RBMS3: variants seen among roughly 807,000 people sequenced by gnomAD.
RBMS3 encodes the protein RNA binding motif single stranded interacting protein 3.
RBMS3 carries 27 observed loss-of-function variants against 66.8 expected under a neutral mutation model. That is an observed-to-expected ratio of 0.40 (90% CI 0.30 to 0.56). The LOEUF is 0.56. Among genes scored for constraint, RBMS3 ranks in the 20% least tolerant of loss-of-function variants. RBMS3 has a pLI of 0.40. For synonymous variants in RBMS3, 188 were observed against 183.0 expected, an observed-to-expected ratio of 1.03 and a Z score of -0.22; for missense variants, 513 against 549.5, an observed-to-expected ratio of 0.93 and a Z score of 0.66.
chr3:29,972,610 G>T (rs80146725), intron 12 of RBMS3, among the ~76,000 whole-genome samples: 2,923 of 152,100 alleles, frequency 0.019, 85 homozygotes, highest in African/African-American at 0.065. Context: ...CCTTTTAGAG[G>T]CTGAGCTCTG....
chr3:29,485,877 G>T (rs1366038363), intron 2 of RBMS3, among the ~76,000 whole-genome samples: 1 of 152,048 alleles, frequency 6.6e-6, no homozygotes, highest in Non-Finnish European at 1.5e-5. Flanking sequence ...GTTGAAGAAA[G>T]AACTTTATGA....
chr3:29,370,888 A>AT (rs754952000), intron 1 of RBMS3, among the ~76,000 whole-genome samples: 12 of 152,306 alleles, frequency 7.9e-5, no homozygotes, highest in Admixed American at 6.5e-4. Context: ...GTCTCCCTAC[A>AT]TGGCAGAGGC....
rs775979152 is a variant in RBMS3, at chr3:29,323,379, G to A, written c.75+41623G>A. 1.6e-4 allele frequency among the ~76,000 whole-genome samples: 25 copies of A among 152,130 alleles called. No individual in the cohort carries two copies. The South Asian group carries it at 1.9e-3, about 11-fold the overall frequency. ...ACCACCATAGTAAAGAAACAAAGCC[G>A]TAAACTAGGTCGTATTATTACTGTT... On this transcript the variant is annotated intron_variant, in intron 1 of 14. Transcript: ENST00000383767.
At chr3:29,832,901 C>G (rs2058411293) in intron 6 of RBMS3, among the ~76,000 whole-genome samples, 1 of 152,158 alleles carries the variant, frequency 6.6e-6, no homozygotes, top group African/African-American at 2.4e-5. Context: ...TAATATACCA[C>G]TATGGACAGC....
chr3:29,399,574 T>G (rs2039712016), intron 1 of RBMS3, among the ~76,000 whole-genome samples: 1 of 152,200 alleles, frequency 6.6e-6, no homozygotes, highest in Non-Finnish European at 1.5e-5. Context: ...TCAAAATAGC[T>G]GCCGAACTTC....
chr3:29,948,432 C>G, intron 12 of RBMS3, among the ~76,000 whole-genome samples: 1 of 151,730 alleles, frequency 6.6e-6, no homozygotes, highest in East Asian at 1.9e-4. Context: ...GTGAAACTAT[C>G]CTCTATCATC....
chr3:29,366,816 T>A (rs1243736752), intron 1 of RBMS3, among the ~76,000 whole-genome samples: 1 of 152,192 alleles, frequency 6.6e-6, no homozygotes, highest in Non-Finnish European at 1.5e-5. Context: ...CCTCTTTCTA[T>A]AGCGGGGCTG....
rs969781976 is a variant in RBMS3, at chr3:29,968,206, C to G, written c.1099-19937C>G. Among the ~76,000 whole-genome samples, 4 of 152,166 alleles carry G rather than the reference C, an allele frequency of 2.6e-5. No homozygotes were observed. The East Asian group carries it at 5.8e-4, about 22-fold the overall frequency. On this transcript the variant is annotated intron_variant, in intron 12 of 14. Coordinates refer to ENST00000383767, the MANE Select transcript of RBMS3 (RefSeq NM_001003793.3). ...CACGGCTGCCCACCCGGCCTGCCCC[C>G]GTAACAGTCTGTTTCCAGGTGGAGG...
At chr3:29,482,685 T>TTCTC (rs2043167602) in intron 2 of RBMS3, among the ~76,000 whole-genome samples, 4 of 130,652 alleles carry the variant, frequency 3.1e-5, no homozygotes, top group African/African-American at 1.2e-4. Flanking sequence ...CAGTCTACCA[T>TTCTC]TTTCTTTCTT....
chr3:29,891,054 C>T (rs1311153158), intron 8 of RBMS3, among the ~76,000 whole-genome samples: 1 of 151,582 alleles, frequency 6.6e-6, no homozygotes, highest in African/African-American at 2.4e-5. Context: ...AATCCTGTAA[C>T]AGTAAACTAA....
intron 4 of RBMS3, among the ~76,000 whole-genome samples, chr3:29,710,714 C>A (rs1283257804): frequency 1.3e-5 from 2 of 152,186 alleles, no homozygotes; most frequent in Non-Finnish European, 2.9e-5. Flanking sequence ...TCAGGCCATG[C>A]ATTACACCAC....
chr3:29,668,543 A>G (rs760833751), intron 4 of RBMS3, among the ~76,000 whole-genome samples: 4 of 152,166 alleles, frequency 2.6e-5, no homozygotes, highest in African/African-American at 7.2e-5. Context: ...CTTTTTTCCT[A>G]TCTTTCAGTA....
chr3:29,457,282 C>T (rs879898466), intron 2 of RBMS3, among the ~76,000 whole-genome samples: 1 of 152,178 alleles, frequency 6.6e-6, no homozygotes, highest in Admixed American at 6.5e-5. Context: ...CCACCTAGGT[C>T]TCTGCAGTCT....
At chr3:29,884,874 T>C (rs1447744789) in intron 8 of RBMS3, among the ~76,000 whole-genome samples, 1 of 151,944 alleles carries the variant, frequency 6.6e-6, no homozygotes, top group African/African-American at 2.4e-5. Flanking sequence ...AATTATTCTT[T>C]GGTTGGTTGC....
At chr3:29,738,377 C>A (rs2054472921) in intron 4 of RBMS3, among the ~76,000 whole-genome samples, 2 of 152,054 alleles carry the variant, frequency 1.3e-5, no homozygotes, top group Admixed American at 1.3e-4. Context: ...AATTAAATAT[C>A]TGGTACATTT....
At chr3:29,549,830 T>A (rs771725218) in intron 3 of RBMS3, among the ~76,000 whole-genome samples, 1 of 152,096 alleles carries the variant, frequency 6.6e-6, no homozygotes, top group African/African-American at 2.4e-5. Context: ...CTTAAGGCAG[T>A]AAAATATTTT....
At chr3:29,903,962 GC>G (rs1173351436) in intron 10 of RBMS3, among the ~76,000 whole-genome samples, 1 of 151,910 alleles carries the variant, frequency 6.6e-6, no homozygotes, top group Admixed American at 6.6e-5. Context: ...TGTTTAAGAA[GC>G]CCCAGAATAC....
At chr3:29,817,192 C>CTTTG (rs1553677828) in intron 6 of RBMS3, among the ~76,000 whole-genome samples, 24 of 127,226 alleles carry the variant, frequency 1.9e-4, no homozygotes, top group South Asian at 6.9e-4. Flanking sequence ...ATTTTCTTTT[C>CTTTG]TTTTTTTTTT....
chr3:29,491,324 G>A (rs2043534860), intron 3 of RBMS3, among the ~76,000 whole-genome samples: 1 of 152,138 alleles, frequency 6.6e-6, no homozygotes, highest in Admixed American at 6.5e-5. Flanking sequence ...AGTGGAAACA[G>A]GGCCTGTGTG....
Sources: allele counts gnomAD v4.1 joint callset (sites outside exome capture counted in the v4.1 genomes callset), GRCh38; gene constraint gnomAD v4.1.1; transcripts MANE v1.5; gene names NCBI Gene and HGNC (gene_info 2026-07-23, HGNC 2026-07-21).